Variants in RGS6 observed in about 807,000 individuals in gnomAD.
RGS6 encodes regulator of G protein signaling 6.
RGS6 carries 30 observed loss-of-function variants against 78.5 expected under a neutral mutation model. That is an observed-to-expected ratio of 0.38 (90% CI 0.29 to 0.52). The LOEUF is 0.52. Among genes scored for constraint, RGS6 ranks in the 20% least tolerant of loss-of-function variants. The probability of loss-of-function intolerance (pLI) is 0.85; values close to 1 mark genes in which losing one functional copy is unlikely to be tolerated. For synonymous variants in RGS6, 206 were observed against 206.0 expected, an observed-to-expected ratio of 1.00 and a Z score of 0.00; for missense variants, 495 against 609.7, an observed-to-expected ratio of 0.81 and a Z score of 1.98.
intron 3 of RGS6, among the ~76,000 whole-genome samples, chr14:72,439,869 C>T (rs572816272): frequency 3.9e-5 from 6 of 152,202 alleles, no homozygotes; most frequent in Non-Finnish European, 7.3e-5. Flanking sequence ...CCACCTTCTC[C>T]TAGAAAGACC....
At chr14:71,977,111 T>C (rs2094175959) in intron 2 of RGS6, among the ~76,000 whole-genome samples, 1 of 117,754 alleles carries the variant, frequency 8.5e-6, no homozygotes, top group Non-Finnish European at 1.9e-5. Context: ...ATGGGGTGGT[T>C]TGTTTTTTTC....
rs979272043 is a variant in RGS6, at chr14:72,297,426, ATTAT to A, written c.85-54666_85-54663del. On this transcript the variant is annotated intron_variant, in intron 2 of 17. Coordinates refer to ENST00000553525, the MANE Select transcript of RGS6 (RefSeq NM_001204424.2). The stretch of plus-strand genomic sequence containing the variant: ...AAACATGGTATATATTATTATTATT[ATTAT>A]TTTTTTTTTATACTTTAAGTTTTAG... Among the ~76,000 whole-genome samples the A allele has an allele frequency of 3.5e-5, 5 of 144,812 alleles. No homozygotes were observed. The East Asian group carries it at 6.6e-4, about 19-fold the overall frequency.
intron 2 of RGS6, among the ~76,000 whole-genome samples, chr14:72,272,854 C>T (rs550628983): frequency 2.6e-5 from 4 of 152,314 alleles, no homozygotes; most frequent in South Asian, 2.1e-4. Context: ...ATGGCTCACG[C>T]CTGTAATCCC....
chr14:71,928,506 A>C (rs23219), upstream of RGS6, among the ~76,000 whole-genome samples: 26,027 of 152,172 alleles, frequency 0.17, 2,443 homozygotes, highest in African/African-American at 0.23. Context: ...AAAGCCACCA[A>C]TATCAATACA....
At chr14:72,128,024 G>A (rs1359653087) in intron 2 of RGS6, among the ~76,000 whole-genome samples, 6 of 151,978 alleles carry the variant, frequency 3.9e-5, no homozygotes, top group South Asian at 4.1e-4. Context: ...ACTGAGTAGC[G>A]TTCTGTGGTA....
chr14:72,347,086 A>T (rs2078199673), intron 2 of RGS6, among the ~76,000 whole-genome samples: 1 of 152,192 alleles, frequency 6.6e-6, no homozygotes, highest in African/African-American at 2.4e-5. Context: ...TGGCTGTCAG[A>T]TAAGGGCCAC....
intron 3 of RGS6, among the ~76,000 whole-genome samples, chr14:72,355,375 A>G (rs145908318): frequency 0.016 from 2,433 of 152,104 alleles, 27 homozygotes; most frequent in Middle Eastern, 0.037. Context: ...TTGTATTTTT[A>G]GTAGAGACAG....
chr14:72,170,667 CTTT>C (rs2097000058), intron 2 of RGS6, among the ~76,000 whole-genome samples: 2 of 152,186 alleles, frequency 1.3e-5, no homozygotes, highest in Admixed American at 6.5e-5. Context: ...ATAAAAATAT[CTTT>C]TTGTTATCAC....
At chr14:72,080,173 T>C (rs2094757327) in intron 2 of RGS6, among the ~76,000 whole-genome samples, 1 of 152,168 alleles carries the variant, frequency 6.6e-6, no homozygotes, top group Admixed American at 6.5e-5. Context: ...AGATTCCCTT[T>C]TCTCTATATC....
intron 2 of RGS6, among the ~76,000 whole-genome samples, chr14:72,344,196 A>G (rs1022130405): frequency 5.9e-5 from 9 of 152,076 alleles, no homozygotes; most frequent in Non-Finnish European, 1.2e-4. Context: ...ATTAGATGAA[A>G]GAAAATGAAA....
chr14:72,396,488 G>C (rs1008457297), intron 3 of RGS6, among the ~76,000 whole-genome samples: 1 of 152,048 alleles, frequency 6.6e-6, no homozygotes, highest in South Asian at 2.1e-4. Context: ...CTTCCATTCT[G>C]TAGGTTGCCT....
At chr14:72,298,732 G>C (rs995606291) in intron 2 of RGS6, among the ~76,000 whole-genome samples, 6 of 152,336 alleles carry the variant, frequency 3.9e-5, no homozygotes, top group Admixed American at 3.9e-4. Context: ...ACAGGCGTGA[G>C]CCACTGTGCC....
chr14:71,960,666 T>C (rs1250531881), intron 1 of RGS6, among the ~76,000 whole-genome samples: 2 of 152,238 alleles, frequency 1.3e-5, no homozygotes, highest in Non-Finnish European at 2.9e-5. Flanking sequence ...TGCGAATCCC[T>C]GTTATCTCAC....
intron 17 of RGS6, chr14:72,547,484 G>A (rs2097425902): frequency 4.4e-6 from 3 of 688,306 alleles, no homozygotes; most frequent in African/African-American, 1.8e-5. Context: ...AGTTGAGTTA[G>A]GAAAGCATGA....
At chr14:72,416,406 G>A (rs970630464) in intron 3 of RGS6, among the ~76,000 whole-genome samples, 16 of 151,994 alleles carry the variant, frequency 1.1e-4, no homozygotes, top group Admixed American at 2.0e-4. Context: ...CAAATATGTC[G>A]GTACTTTGTA....
At chr14:72,540,568 T>C (rs2097311327) in intron 17 of RGS6, 1 of 1,541,490 alleles carries the variant, frequency 6.5e-7, no homozygotes, top group Non-Finnish European at 8.7e-7. Flanking sequence ...CTAATGTTGC[T>C]GTGTAGGCGG....
At chr14:71,935,723 T>C (rs1244097562) in intron 1 of RGS6, among the ~76,000 whole-genome samples, 1 of 152,110 alleles carries the variant, frequency 6.6e-6, no homozygotes, top group Non-Finnish European at 1.5e-5. Flanking sequence ...ACTTCTCCTG[T>C]GGCCTCTGGG....
At chr14:72,390,964 C>T (rs2089822921) in intron 3 of RGS6, among the ~76,000 whole-genome samples, 1 of 152,168 alleles carries the variant, frequency 6.6e-6, no homozygotes, top group South Asian at 2.1e-4. Flanking sequence ...TAGAACCTTC[C>T]ACTCAGACTT....
chr14:72,233,765 G>A (rs1567537807), intron 2 of RGS6, among the ~76,000 whole-genome samples: 1 of 152,192 alleles, frequency 6.6e-6, no homozygotes, highest in African/African-American at 2.4e-5. Flanking sequence ...CACTGGGCCA[G>A]ACCGGACGCT....
Sources: gnomAD v4.1 joint callset for allele counts (sites outside exome capture counted in the v4.1 genomes callset) on GRCh38, gnomAD v4.1.1 for gene constraint, MANE v1.5 for transcripts, NCBI Gene and HGNC (gene_info 2026-07-23, HGNC 2026-07-21) for gene names.